MYH14: variants seen among roughly 807,000 people sequenced by gnomAD.
The protein encoded by MYH14 is myosin-14.
Under a neutral mutation model 255.5 loss-of-function variants are expected in MYH14, and 123 were observed. The observed-to-expected ratio is 0.48, with a 90% CI of 0.42 to 0.56. The LOEUF is 0.56. Ranked by LOEUF, MYH14 falls within the 20% of genes least tolerant of loss-of-function variation. MYH14 has a pLI of 0.00. For missense variants in MYH14, 2,423 were observed against 2,802.3 expected, an observed-to-expected ratio of 0.86 and a Z score of 3.06; for synonymous variants, 1,095 against 1,161.2, an observed-to-expected ratio of 0.94 and a Z score of 1.16.
rs562778070 is a variant in MYH14, at chr19:50,246,222, C to T, written c.1211-782C>T. Among the ~76,000 whole-genome samples the T allele has an allele frequency of 2.2e-4, 34 of 151,866 alleles. 2 individuals are homozygous for T. In the South Asian group the frequency reaches 6.9e-3, roughly 31 times the overall value. ...TGGCACCATCTCAGCTCACTGCAACCTCTACCTCCTGGGTTCAAGCGATTC... is the reference window on the plus strand; with the variant it reads ...TGGCACCATCTCAGCTCACTGCAACTTCTACCTCCTGGGTTCAAGCGATTC... On this transcript the variant is annotated intron_variant, in intron 11 of 42. Transcript: ENST00000642316.
chr19:50,237,999 C>G (rs2033735604), intron 10 of MYH14, among the ~76,000 whole-genome samples: 1 of 152,196 alleles, frequency 6.6e-6, no homozygotes, highest in African/African-American at 2.4e-5. Context: ...GTGGACACCT[C>G]AGTGTCACCC....
At position 50,309,513 on chromosome 19, in the gene MYH14, C is replaced by T. The variant is rs993916376; in HGVS notation, c.5961-127C>T. The T allele has an allele frequency of 4.3e-6, 3 of 692,208 alleles. No individual in the cohort carries two copies. In the African/African-American group the frequency reaches 5.3e-5, roughly 12 times the overall value. 42.9% of individuals were successfully genotyped at this position (692,208 alleles called of 1,614,324 possible). A position where few individuals can be genotyped will look rare whatever the true frequency, so the allele number is the denominator to read the frequency against. ...TTCTCTTGATCTCATCCCTCTCTTC[C>T]CCCTTATTTTGTTCTCTCTCTTCCT... On this transcript the variant is annotated intron_variant, in intron 42 of 42. Coordinates refer to ENST00000642316, the MANE Select transcript of MYH14 (RefSeq NM_001145809.2).
intron 13 of MYH14, chr19:50,249,351 T>TCCC (rs1470330933): frequency 1.6e-6 from 1 of 635,374 alleles, no homozygotes; most frequent in East Asian, 2.9e-5. Context: ...TGGGTCTCTG[T>TCCC]CCCCTGTCTC....
chr19:50,262,230 GGAGTTTGCGGGA>G (rs1433225905), intron 21 of MYH14, among the ~76,000 whole-genome samples: 1 of 152,136 alleles, frequency 6.6e-6, no homozygotes, highest in Non-Finnish European at 1.5e-5. Context: ...AGGAATACAG[GGAGTTTGCGGGA>G]GAGTCTCCTT....
intron 10 of MYH14, among the ~76,000 whole-genome samples, chr19:50,242,751 C>T (rs910881324): frequency 1.1e-4 from 16 of 152,112 alleles, no homozygotes; most frequent in African/African-American, 2.9e-4. Flanking sequence ...CTGGTGTGTT[C>T]GTGGTCATTT....
chr19:50,296,203 A>G (rs191253967), intron 39 of MYH14, among the ~76,000 whole-genome samples: 21 of 152,302 alleles, frequency 1.4e-4, no homozygotes, highest in Admixed American at 4.6e-4. Flanking sequence ...GATGTATTTT[A>G]TACAGATCCA....
rs780009816 is a variant in MYH14, at chr19:50,276,147, G to A, written c.3624G>A (p.Ala1208=). Residue 1208 remains alanine (A), a synonymous_variant, in exon 28 of 43, where the codon GCG becomes GCA. Coordinates refer to ENST00000642316, the MANE Select transcript of MYH14 (RefSeq NM_001145809.2). This position sits in a 1 kb window ranked among gnomAD's most constrained non-coding sequence, Gnocchi z 4.3. ...QRRDLGEELE[A]LRGELEDTLD... is the part of the protein sequence containing the mutation. ...GGGACCTGGGCGAGGAGCTGGAGGC[G>A]CTGCGGGGCGAGCTGGAGGACACGC... is the stretch of plus-strand genomic sequence containing the variant. The A allele has an allele frequency of 8.3e-6, 13 of 1,574,028 alleles. No homozygotes were observed. The highest frequency in any genetic ancestry group is 2.1e-4 in the Middle Eastern group (1 of 4,684).
In MYH14 at chr19:50,230,458, T is replaced by G. The variant is rs2033316631; in HGVS notation, c.875-67T>G. Reference sequence around the variant, plus strand: ...AGGGGGCAGCGTGGGCAGGGCAGGCTCCTGTAGTGGCCTGGCAGCGTCGGG... The same window carrying G: ...AGGGGGCAGCGTGGGCAGGGCAGGCGCCTGTAGTGGCCTGGCAGCGTCGGG... On this transcript the variant is annotated intron_variant, in intron 8 of 42. Transcript: ENST00000642316. The surrounding 1 kb of genome is among the most constrained non-coding windows in gnomAD (Gnocchi z 4.7). 1 of 1,376,070 alleles carries G rather than the reference T, an allele frequency of 7.3e-7. No homozygotes were observed. Among genetic ancestry groups the G allele is most frequent in the Non-Finnish European group, 1.0e-6 (1 of 988,912 alleles). The allele number at this position is 1,376,070 out of a possible 1,614,324, so 85.2% of individuals were successfully genotyped here.
At chr19:50,278,314 G>A (rs1359320124) in intron 30 of MYH14, 25 bp downstream of exon 30, 1 of 1,491,126 alleles carries the variant, frequency 6.7e-7, no homozygotes. Context: ...CAGGGCAGAG[G>A]TTTCTGCTGT....
chr19:50,308,889 G>C lies in MYH14; in HGVS notation c.5788-116G>C, dbSNP rs542094040. Reference sequence around the variant, plus strand: ...GAACAAGGCCTAAACAGAGAGCAGAGGATGGGGCAGAGAGAGTCAGGGGGC... The same window carrying C: ...GAACAAGGCCTAAACAGAGAGCAGACGATGGGGCAGAGAGAGTCAGGGGGC... On this transcript the variant is annotated intron_variant, in intron 41 of 42. Transcript: ENST00000642316. 329 of 1,021,626 alleles carry C rather than the reference G, an allele frequency of 3.2e-4. 4 individuals carry two copies. In the South Asian group the frequency reaches 5.2e-3, roughly 16 times the overall value. The allele number at this position is 1,021,626 out of a possible 1,614,324, so 63.3% of individuals were successfully genotyped here.
intron 5 of MYH14, 25 bp downstream of exon 5, chr19:50,223,374 C>A: frequency 6.7e-7 from 1 of 1,491,284 alleles, no homozygotes; most frequent in Non-Finnish European, 9.2e-7. Context: ...CTTGGGTCAC[C>A]CCCGGGCCCT....
At chr19:50,253,602 G>A (rs73068982) in intron 16 of MYH14, among the ~76,000 whole-genome samples, 2,717 of 152,262 alleles carry the variant, frequency 0.018, 37 homozygotes, top group Non-Finnish European at 0.026. Context: ...AAAACAGACT[G>A]AGATACAGTT....
chr19:50,210,369 G>C lies in MYH14; in HGVS notation c.4G>C (p.Ala2Pro), dbSNP rs765226908. The C allele has an allele frequency of 6.3e-7, 1 of 1,587,298 alleles. No individual in the cohort carries two copies. The highest frequency in any genetic ancestry group is 2.3e-5 in the East Asian group (1 of 42,782). ...TCTTTCTTTGCCCCTGCAGACCATG[G>C]CAGCCGTGACCATGTCGGTGCCCGG... M[A>P]AVTMSVPGRK... Residue 2 changes from alanine (A) to proline (P), a missense_variant, in exon 2 of 43, where the codon GCA (alanine) becomes CCA (proline). By Grantham distance (27) the Ala-to-Pro change is conservative. Around this residue, in one of 3 missense-constraint regions of MYH14, gnomAD observed 238 missense variants for 245.8 expected, o/e 0.97. Transcript: ENST00000642316.
At chr19:50,235,635 A>G (rs977232312) in intron 10 of MYH14, among the ~76,000 whole-genome samples, 23 of 151,684 alleles carry the variant, frequency 1.5e-4, no homozygotes, top group Non-Finnish European at 5.9e-5. Flanking sequence ...AAAAAAAAAA[A>G]AAATTAACCA....
At chr19:50,244,577 G>A (rs536856841) in intron 11 of MYH14, among the ~76,000 whole-genome samples, 43 of 149,848 alleles carry the variant, frequency 2.9e-4, no homozygotes, top group African/African-American at 9.1e-4. Context: ...TCCGCCTCCC[G>A]GGTTCACACC....
At chr19:50,282,575 C>T (rs370693405) in intron 33 of MYH14, among the ~76,000 whole-genome samples, 1 of 152,074 alleles carries the variant, frequency 6.6e-6, no homozygotes, top group Non-Finnish European at 1.5e-5. Context: ...TGGCGGTGTG[C>T]GCCTGTAATC....
Position 50,213,689 on chromosome 19 carries a change from A to T in MYH14, c.405+2919A>T, listed in dbSNP as rs554344914. On this transcript the variant is annotated intron_variant, in intron 2 of 42. Coordinates refer to ENST00000642316, the MANE Select transcript of MYH14 (RefSeq NM_001145809.2). The stretch of plus-strand genomic sequence containing the variant: ...ATATGATCTTATTGACCCCCTCCCC[A>T]TCCACATAAGGTTGTGAGGTAGGGA... Among the ~76,000 whole-genome samples the T allele has an allele frequency of 5.3e-5, 8 of 152,284 alleles. No individual in the cohort carries two copies. In the South Asian group the frequency reaches 1.7e-3, roughly 32 times the overall value.
chr19:50,224,882 A>G (rs1048213582), intron 6 of MYH14: 5 of 456,022 alleles, frequency 1.1e-5, no homozygotes, highest in Admixed American at 4.7e-5. Context: ...AAGTGGGAGG[A>G]TTGCTTGAGG....
At chr19:50,227,003 G>T (rs771927288) in intron 8 of MYH14, 37 bp downstream of exon 8, 2 of 1,607,088 alleles carry the variant, frequency 1.2e-6, no homozygotes, top group Middle Eastern at 1.6e-4. Context: ...GCAGCCAAGG[G>T]GGGCAGCCTT....
Sources: gnomAD v4.1 joint callset for allele counts (sites outside exome capture counted in the v4.1 genomes callset) on GRCh38, gnomAD v4.1.1 for gene constraint, gnomAD v4.1.1 regional missense constraint, Gnocchi (gnomAD v3.1) non-coding constraint, MANE v1.5 for transcripts, NCBI Gene and HGNC (gene_info 2026-07-23, HGNC 2026-07-21) for gene names.